CFAP299: variants seen among roughly 807,000 people sequenced by gnomAD.
The protein encoded by CFAP299 is cilia and flagella associated protein 299.
In CFAP299, 21 loss-of-function variants were observed where a neutral mutation model predicts 27.0. That is an observed-to-expected ratio of 0.78 (90% CI 0.55 to 1.12). The LOEUF is 1.12. CFAP299 is among the 50% of genes most tolerant of loss of function. The pLI, the probability that CFAP299 is intolerant of heterozygous loss-of-function variation, is 0.00. For missense variants in CFAP299, 310 were observed against 276.6 expected (o/e 1.12, Z -0.86); for synonymous variants, 104 against 98.1 (o/e 1.06, Z -0.36).
At chr4:80,330,885 G>A (rs1215325987), upstream of CFAP299, among the ~76,000 whole-genome samples, 1 of 152,184 alleles carries the variant, frequency 6.6e-6, no homozygotes, top group Non-Finnish European at 1.5e-5. Context: ...GGATCATTAT[G>A]TTCCAGGTAC....
In CFAP299 at chr4:80,396,396, C is replaced by A. The variant is rs558955035; in HGVS notation, c.242+33512C>A. Among the ~76,000 whole-genome samples the A allele has an allele frequency of 5.1e-4, 78 of 152,154 alleles. 1 individual carries two copies. Among genetic ancestry groups the A allele is most frequent in the African/African-American group, 1.8e-3 (76 of 41,536 alleles). On this transcript the variant is annotated intron_variant, in intron 2 of 5. Coordinates refer to ENST00000358105, the MANE Select transcript of CFAP299 (RefSeq NM_152770.3). ...TTTGCCTCAATCATGTTTTTGTAAA[C>A]AATCACTGAGATAATATGTGTAATG...
chr4:80,612,072 T>C (rs1738011415), intron 3 of CFAP299, among the ~76,000 whole-genome samples: 1 of 147,384 alleles, frequency 6.8e-6, no homozygotes, highest in Non-Finnish European at 1.5e-5. Flanking sequence ...AGGGACAGTA[T>C]GTGCCATTTT....
chr4:80,679,020 C>T (rs376415817), intron 3 of CFAP299, among the ~76,000 whole-genome samples: 4 of 152,052 alleles, frequency 2.6e-5, no homozygotes, highest in South Asian at 2.1e-4. Context: ...CACTGTAATC[C>T]GTAACCATAA....
At chr4:80,930,384 G>A (rs1312289871) in intron 4 of CFAP299, among the ~76,000 whole-genome samples, 1 of 152,152 alleles carries the variant, frequency 6.6e-6, no homozygotes, top group Admixed American at 6.5e-5. Flanking sequence ...AGAAGCCAAG[G>A]AGGGAGTCAT....
At chr4:80,734,957 G>A (rs536474050) in intron 3 of CFAP299, among the ~76,000 whole-genome samples, 33 of 152,176 alleles carry the variant, frequency 2.2e-4, no homozygotes, top group Non-Finnish European at 4.0e-4. Flanking sequence ...TCCATAGAAA[G>A]TTTATGATTG....
At chr4:80,764,337 A>C (rs559365885) in intron 3 of CFAP299, among the ~76,000 whole-genome samples, 57 of 152,322 alleles carry the variant, frequency 3.7e-4, no homozygotes, top group African/African-American at 1.3e-3. Context: ...GCCAACAAAC[A>C]TGAAAAAAAG....
Position 80,586,963 on chromosome 4 carries a change from C to G in CFAP299, c.333+3780C>G, listed in dbSNP as rs1330384928. Among the ~76,000 whole-genome samples, 3 of 152,176 alleles carry G rather than the reference C, an allele frequency of 2.0e-5. No individual in the cohort carries two copies. In the East Asian group the frequency reaches 5.8e-4, roughly 29 times the overall value. On this transcript the variant is annotated intron_variant, in intron 3 of 5. Transcript: ENST00000358105. ...TTTCCTTCAGAGTCATTCAAAGAAACCACTGTACCTGGGTCAGGAAAACCT... is the reference window on the plus strand; with the variant it reads ...TTTCCTTCAGAGTCATTCAAAGAAAGCACTGTACCTGGGTCAGGAAAACCT...
intron 2 of CFAP299, among the ~76,000 whole-genome samples, chr4:80,449,237 A>G (rs902953641): frequency 6.6e-6 from 1 of 152,158 alleles, no homozygotes; most frequent in Non-Finnish European, 1.5e-5. Context: ...TGTTTTGTGG[A>G]TAGAGATGAA....
chr4:80,954,843 A>C (rs1470802727), intron 5 of CFAP299, among the ~76,000 whole-genome samples: 2 of 151,776 alleles, frequency 1.3e-5, no homozygotes, highest in African/African-American at 4.8e-5. Context: ...ACTAAAAAAT[A>C]CAAAAAATTA....
rs553181991 is a variant in CFAP299, at chr4:80,679,665, T to C, written c.333+96482T>C. Among the ~76,000 whole-genome samples the C allele has an allele frequency of 4.6e-5, 7 of 151,822 alleles. No homozygotes were observed. In the South Asian group the frequency reaches 1.5e-3, roughly 32 times the overall value. ...GTGGTTTTAATTTTCATTTCCCTAA[T>C]AGCAAATTTTGTAAAAAAATTTTCA... On this transcript the variant is annotated intron_variant, in intron 3 of 5. Coordinates refer to ENST00000358105, the MANE Select transcript of CFAP299 (RefSeq NM_152770.3).
intron 2 of CFAP299, among the ~76,000 whole-genome samples, chr4:80,486,164 C>A (rs1488316754): frequency 6.6e-6 from 1 of 152,050 alleles, no homozygotes; most frequent in Admixed American, 6.6e-5. Context: ...TATTTGGTTA[C>A]TTGGTGTCCA....
At chr4:80,628,061 A>G (rs2109941491) in intron 3 of CFAP299, among the ~76,000 whole-genome samples, 1 of 152,254 alleles carries the variant, frequency 6.6e-6, no homozygotes, top group African/African-American at 2.4e-5. Flanking sequence ...AGCTAAAGAC[A>G]TTACACTACC....
chr4:80,655,668 A>T (rs956930568), intron 3 of CFAP299, among the ~76,000 whole-genome samples: 3 of 152,266 alleles, frequency 2.0e-5, no homozygotes, highest in Non-Finnish European at 4.4e-5. Context: ...GTGAGTAGAC[A>T]CTTCAACTTG....
At chr4:80,930,082 G>A (rs920859944) in intron 4 of CFAP299, among the ~76,000 whole-genome samples, 4 of 152,000 alleles carry the variant, frequency 2.6e-5, no homozygotes, top group East Asian at 1.9e-4. Flanking sequence ...TCCCATCCCC[G>A]CCCCTTACAA....
At chr4:80,774,507 G>T (rs987539350) in intron 3 of CFAP299, among the ~76,000 whole-genome samples, 1 of 151,506 alleles carries the variant, frequency 6.6e-6, no homozygotes, top group East Asian at 1.9e-4. Context: ...TTTAAACCAC[G>T]ATTCTTTGGA....
chr4:80,774,580 A>C (rs1236760132), intron 3 of CFAP299, among the ~76,000 whole-genome samples: 1 of 151,962 alleles, frequency 6.6e-6, no homozygotes, highest in Non-Finnish European at 1.5e-5. Context: ...AAAATGCTCA[A>C]ATTCACCTTT....
chr4:80,837,748 G>T (rs535404355), intron 3 of CFAP299, among the ~76,000 whole-genome samples: 1 of 152,198 alleles, frequency 6.6e-6, no homozygotes, highest in Non-Finnish European at 1.5e-5. Context: ...ATAAGCATAT[G>T]TGTGCATGCA....
intron 2 of CFAP299, chr4:80,388,556 A>G: frequency 7.0e-7 from 1 of 1,435,608 alleles, no homozygotes; most frequent in Non-Finnish European, 9.8e-7. Context: ...CTTCCCACAG[A>G]GAAAGACATC....
chr4:80,564,808 A>G (rs1470946340), intron 2 of CFAP299, among the ~76,000 whole-genome samples: 1 of 152,056 alleles, frequency 6.6e-6, no homozygotes, highest in Non-Finnish European at 1.5e-5. Flanking sequence ...CAATTCAGTG[A>G]AGTTGCAGTA....
Sources: allele counts gnomAD v4.1 joint callset (sites outside exome capture counted in the v4.1 genomes callset), GRCh38; gene constraint gnomAD v4.1.1; transcripts MANE v1.5; gene names NCBI Gene and HGNC (gene_info 2026-07-23, HGNC 2026-07-21).